The following FGF18 variants were observed in gnomAD, a reference collection of about 807,000 sequenced individuals.
FGF18 encodes fibroblast growth factor 18.
A neutral mutation model predicts 23.0 loss-of-function variants in FGF18; 5 were observed. The observed-to-expected ratio is 0.22, with a 90% confidence interval of 0.11 to 0.46. The LOEUF (loss-of-function observed/expected upper bound fraction) is 0.46. Ranked by LOEUF, FGF18 falls within the 20% of genes least tolerant of loss-of-function variation. FGF18 has a pLI of 0.99. For synonymous variants in FGF18, 117 were observed against 118.9 expected (o/e 0.98, Z 0.10); for missense variants, 180 against 291.6 (o/e 0.62, Z 2.79).
chr5:171,422,787 C>G (rs150877410), intron 2 of FGF18, among the ~76,000 whole-genome samples: 30 of 152,310 alleles, frequency 2.0e-4, no homozygotes, highest in African/African-American at 6.3e-4. Context: ...AGGGAGGCCT[C>G]TCTACATGGC....
intron 3 of FGF18, among the ~76,000 whole-genome samples, chr5:171,446,402 A>G (rs1772420233): frequency 6.6e-6 from 1 of 152,136 alleles, no homozygotes; most frequent in Admixed American, 6.5e-5. Context: ...CCCCAGTAGA[A>G]AGAGGCAGGC....
Position 171,420,121 on chromosome 5 carries a change from C to T in FGF18, c.-79C>T. ...GCGGCGGCGGCGGCGGCGGCGGCGG[C>T]GGAGGCGCCCGGTCCCGGCCGCGCG... On this transcript the variant is annotated 5_prime_UTR_variant, in exon 1 of 5. Coordinates refer to ENST00000274625, the MANE Select transcript of FGF18 (RefSeq NM_003862.3). The T allele has an allele frequency of 3.3e-6, 4 of 1,222,470 alleles. No individual in the cohort carries two copies. Among genetic ancestry groups the T allele is most frequent in the South Asian group, 2.8e-5 (1 of 35,766 alleles). 75.7% of individuals were successfully genotyped at this position (1,222,470 alleles called of 1,614,324 possible). A position where few individuals can be genotyped will look rare whatever the true frequency, so the allele number is the denominator to read the frequency against.
chr5:171,422,353 G>C (rs999441734), intron 2 of FGF18, among the ~76,000 whole-genome samples: 1 of 152,070 alleles, frequency 6.6e-6, no homozygotes, highest in African/African-American at 2.4e-5. Flanking sequence ...CTTCCCCCTT[G>C]TCCCCACCGG....
chr5:171,439,312 G>C (rs533455486), intron 3 of FGF18, among the ~76,000 whole-genome samples: 23 of 152,346 alleles, frequency 1.5e-4, no homozygotes, highest in African/African-American at 5.5e-4. Flanking sequence ...AAGCTTTAGG[G>C]GTTCTGAGAG....
chr5:171,449,228 A>G lies in FGF18; in HGVS notation c.332A>G (p.Asn111Ser). The change falls in exon 4 of 5, where the codon AAC becomes AGC. Residue 111 changes from asparagine (N) to serine (S), a missense_variant. By Grantham distance (46) the Asn-to-Ser change is conservative. Around this residue, in one of 3 missense-constraint regions of FGF18, gnomAD observed 83 missense variants for 190.4 expected, o/e 0.44. Transcript: ENST00000274625. ...GAGACGGAATTCTACCTGTGCATGA[A>G]CCGCAAAGGCAAGCTCGTGGGGAAG... is the stretch of plus-strand genomic sequence containing the variant. ...GKETEFYLCMNRKGKLVGKPD... is the reference protein window; with the variant it reads ...GKETEFYLCMSRKGKLVGKPD... 6.2e-7 allele frequency: 1 copy of G among 1,614,002 alleles called. No individual in the cohort carries two copies. The highest frequency in any genetic ancestry group is 8.5e-7 in the Non-Finnish European group (1 of 1,179,926).
At chr5:171,446,580 G>A (rs1185258158) in intron 3 of FGF18, among the ~76,000 whole-genome samples, 1 of 152,202 alleles carries the variant, frequency 6.6e-6, no homozygotes, top group African/African-American at 2.4e-5. Context: ...GTGCTGGGAA[G>A]GGCCAAGAGG....
intron 3 of FGF18, 115 bp from the exon 4 acceptor site, chr5:171,449,032 A>C: frequency 6.6e-6 from 5 of 752,530 alleles, no homozygotes; most frequent in Non-Finnish European, 1.2e-5. Flanking sequence ...CCCATGCCTG[A>C]TTTTGGGGGA....
Position 171,456,885 on chromosome 5 carries a change from T to G in FGF18, c.*80T>G, listed in dbSNP as rs918633954. The G allele has an allele frequency of 6.8e-7, 1 of 1,474,110 alleles. No individual in the cohort carries two copies. Among genetic ancestry groups the G allele is most frequent in the African/African-American group, 1.4e-5 (1 of 70,636 alleles). The allele number at this position is 1,474,110 out of a possible 1,614,324, so 91.3% of individuals were successfully genotyped here. On this transcript the variant is annotated 3_prime_UTR_variant, in exon 5 of 5. Coordinates refer to ENST00000274625, the MANE Select transcript of FGF18 (RefSeq NM_003862.3). This position sits in a 1 kb window ranked among gnomAD's most constrained non-coding sequence, Gnocchi z 6.1. ...ACTGCATCAGAGGAATATTTTTACA[T>G]GAAAAATAAGGAAGAAGCTCTATTT...
intron 2 of FGF18, among the ~76,000 whole-genome samples, chr5:171,433,286 A>G (rs1772205777): frequency 6.6e-6 from 1 of 152,220 alleles, no homozygotes; most frequent in Non-Finnish European, 1.5e-5. Context: ...GGAGAAAATC[A>G]TTAATGGGAG....
chr5:171,446,722 C>T (rs1263233545), intron 3 of FGF18, among the ~76,000 whole-genome samples: 3 of 152,112 alleles, frequency 2.0e-5, no homozygotes, highest in Admixed American at 6.5e-5. Flanking sequence ...AGAGTAGGGT[C>T]GAGCCCCTCC....
chr5:171,427,435 C>T (rs1399322496), intron 2 of FGF18, among the ~76,000 whole-genome samples: 2 of 152,174 alleles, frequency 1.3e-5, no homozygotes, highest in Non-Finnish European at 2.9e-5. Flanking sequence ...AGGCCTCCTC[C>T]AGTCTGAGTT....
chr5:171,421,572 C>G (rs1772007241), intron 2 of FGF18, among the ~76,000 whole-genome samples: 1 of 152,164 alleles, frequency 6.6e-6, no homozygotes, highest in Non-Finnish European at 1.5e-5. Context: ...GGTGGTTCTC[C>G]CGGTTTTCTG....
chr5:171,443,498 A>G (rs905665493), intron 3 of FGF18, among the ~76,000 whole-genome samples: 1 of 48,572 alleles, frequency 2.1e-5, no homozygotes. Context: ...CACTGTTATC[A>G]TCATTTTTTT....
At position 171,451,841 on chromosome 5, in the gene FGF18, C is replaced by T. The variant is rs1056320151; in HGVS notation, c.357+2588C>T. On this transcript the variant is annotated intron_variant, in intron 4 of 4. Coordinates refer to ENST00000274625, the MANE Select transcript of FGF18 (RefSeq NM_003862.3). This position sits in a 1 kb window ranked among gnomAD's most constrained non-coding sequence, Gnocchi z 4.5. ...GACTGCCCTTCCCTCTGTCCACTTG[C>T]CCTGAGTCCTGGCTGGTCATTCCCT... Among the ~76,000 whole-genome samples, 1 of 152,230 alleles carries T rather than the reference C, an allele frequency of 6.6e-6. No homozygotes were observed. Among genetic ancestry groups the T allele is most frequent in the Admixed American group, 6.5e-5 (1 of 15,290 alleles).
intron 2 of FGF18, among the ~76,000 whole-genome samples, chr5:171,429,164 G>A (rs1447121081): frequency 6.6e-6 from 1 of 152,200 alleles, no homozygotes; most frequent in Admixed American, 6.5e-5. Flanking sequence ...TCAGATTCAG[G>A]GTGGGCCCGG....
At position 171,436,353 on chromosome 5, in the gene FGF18, C is replaced by T. The variant is rs532244882; in HGVS notation, c.250+80C>T. ...GCCTCAGAGACCTCAAGTTCAAATG[C>T]CAGCCTTGCTGCTCCTGGCTGTGTG... On this transcript the variant is annotated intron_variant, in intron 3 of 4. Transcript: ENST00000274625. This position sits in a 1 kb window ranked among gnomAD's most constrained non-coding sequence, Gnocchi z 4.4. The T allele has an allele frequency of 3.4e-6, 4 of 1,171,510 alleles. No individual in the cohort carries two copies. The African/African-American group carries it at 4.7e-5, about 14-fold the overall frequency. 72.6% of individuals were successfully genotyped at this position (1,171,510 alleles called of 1,614,324 possible). A position where few individuals can be genotyped will look rare whatever the true frequency, so the allele number is the denominator to read the frequency against.
chr5:171,427,836 A>G (rs956907350), intron 2 of FGF18, among the ~76,000 whole-genome samples: 2 of 152,104 alleles, frequency 1.3e-5, no homozygotes, highest in East Asian at 1.9e-4. Flanking sequence ...TTGGAATCGC[A>G]TAGCGCTTGG....
At chr5:171,448,456 G>A (rs1016659012) in intron 3 of FGF18, among the ~76,000 whole-genome samples, 1 of 152,206 alleles carries the variant, frequency 6.6e-6, no homozygotes, top group Non-Finnish European at 1.5e-5. Flanking sequence ...TGCCCTGCAG[G>A]AAGGGGCCAC....
chr5:171,419,885 A>C lies in FGF18; in HGVS notation c.-315A>C, dbSNP rs569103227. On this transcript the variant is annotated 5_prime_UTR_variant, in exon 1 of 5. Transcript: ENST00000274625. ...CAGCCAGCCTCCCACGGACGCCCGG[A>C]CGGCCGGCCGGCCAGCAGTGAGCGA... is the stretch of plus-strand genomic sequence containing the variant. 312 of 155,088 alleles carry C rather than the reference A, an allele frequency of 2.0e-3. No homozygotes were observed. Among genetic ancestry groups the C allele is most frequent in the Middle Eastern group, 6.6e-3 (2 of 304 alleles). The allele number at this position is 155,088 out of a possible 1,614,324, so 9.6% of individuals were successfully genotyped here.
Sources: allele counts gnomAD v4.1 joint callset (sites outside exome capture counted in the v4.1 genomes callset), GRCh38; gene constraint gnomAD v4.1.1; regional missense constraint gnomAD v4.1.1; non-coding constraint Gnocchi (gnomAD v3.1); transcripts MANE v1.5; gene names NCBI Gene and HGNC (gene_info 2026-07-23, HGNC 2026-07-21).